Variants in METTL15 observed in about 807,000 individuals in gnomAD.
The protein encoded by METTL15 is methyltransferase 15, mitochondrial 12S rRNA N4-cytidine.
A neutral mutation model predicts 38.3 loss-of-function variants in METTL15; 34 were observed. The observed-to-expected ratio is 0.89, with a 90% confidence interval of 0.68 to 1.18. The LOEUF (loss-of-function observed/expected upper bound fraction) is 1.18. METTL15 is among the 50% of genes most tolerant of loss of function. The pLI, the probability that METTL15 is intolerant of heterozygous loss-of-function variation, is 0.00. For synonymous variants in METTL15, 162 were observed against 170.9 expected (o/e 0.95, Z 0.41); for missense variants, 438 against 498.4 (o/e 0.88, Z 1.15).
chr11:28,348,575 C>T (rs1244268905), intron 3 of METTL15, among the ~76,000 whole-genome samples: 1 of 151,990 alleles, frequency 6.6e-6, no homozygotes, highest in African/African-American at 2.4e-5. Context: ...CACTATGTTG[C>T]CCAGGCTGGT....
chr11:28,195,679 T>A (rs1332851888), intron 3 of METTL15, among the ~76,000 whole-genome samples: 8 of 152,070 alleles, frequency 5.3e-5, no homozygotes, highest in Non-Finnish European at 8.8e-5. Flanking sequence ...CTCTGATGAT[T>A]TTTTCTTTTG....
chr11:28,283,109 T>C (rs1485945832), intron 4 of METTL15, among the ~76,000 whole-genome samples: 1 of 152,176 alleles, frequency 6.6e-6, no homozygotes, highest in Non-Finnish European at 1.5e-5. Flanking sequence ...ATACTATTGG[T>C]TAGGCTGGAA....
At chr11:28,242,682 TAAC>T (rs777676977) in intron 4 of METTL15, among the ~76,000 whole-genome samples, 3 of 152,186 alleles carry the variant, frequency 2.0e-5, no homozygotes, top group Non-Finnish European at 2.9e-5. Flanking sequence ...TTTTAAATGA[TAAC>T]AACAGTTTGA....
intron 6 of METTL15, among the ~76,000 whole-genome samples, chr11:28,441,739 TA>T (rs906974137): frequency 1.3e-5 from 2 of 151,080 alleles, no homozygotes; most frequent in Non-Finnish European, 3.0e-5. Context: ...ATCACTTATT[TA>T]AAAAAAAAGT....
chr11:28,473,438 C>T (rs1311556906), intron 6 of METTL15, among the ~76,000 whole-genome samples: 1 of 152,152 alleles, frequency 6.6e-6, no homozygotes, highest in Non-Finnish European at 1.5e-5. Flanking sequence ...TTTTGTCCCC[C>T]AGTTAAGGCA....
chr11:28,210,381 C>T (rs566976631), intron 3 of METTL15, among the ~76,000 whole-genome samples: 2 of 151,764 alleles, frequency 1.3e-5, no homozygotes, highest in African/African-American at 4.8e-5. Context: ...TTTTTTTTAA[C>T]CGCTGAAGAC....
intron 6 of METTL15, among the ~76,000 whole-genome samples, chr11:28,512,723 C>A (rs1039896377): frequency 2.0e-5 from 3 of 152,202 alleles, no homozygotes; most frequent in African/African-American, 4.8e-5. Flanking sequence ...CCCTCCACAC[C>A]CCCCTGCAAG....
chr11:28,477,239 C>T (rs926085214), intron 6 of METTL15, among the ~76,000 whole-genome samples: 8 of 152,138 alleles, frequency 5.3e-5, no homozygotes, highest in Non-Finnish European at 7.4e-5. Context: ...AGCAGTGGCA[C>T]GATCTTGGCT....
intron 5 of METTL15, among the ~76,000 whole-genome samples, chr11:28,413,509 C>T (rs905467495): frequency 2.6e-5 from 4 of 152,110 alleles, no homozygotes; most frequent in African/African-American, 9.7e-5. Context: ...AGAAAACACT[C>T]TTATTGAAAT....
At chr11:28,228,695 A>G (rs928410920) in intron 4 of METTL15, among the ~76,000 whole-genome samples, 1 of 152,054 alleles carries the variant, frequency 6.6e-6, no homozygotes, top group South Asian at 2.1e-4. Flanking sequence ...GAAAACCACC[A>G]TGCTATTTGA....
intron 6 of METTL15, among the ~76,000 whole-genome samples, chr11:28,523,023 G>A (rs891377933): frequency 1.3e-5 from 2 of 152,190 alleles, no homozygotes; most frequent in Admixed American, 1.3e-4. Flanking sequence ...TACAATGGAT[G>A]CGGTTCTTGC....
At chr11:28,353,860 G>C (rs796151122) in intron 4 of METTL15, among the ~76,000 whole-genome samples, 2 of 150,410 alleles carry the variant, frequency 1.3e-5, no homozygotes, top group African/African-American at 4.9e-5. Flanking sequence ...GGGAAGCGGA[G>C]CTTGCAGTGA....
intron 5 of METTL15, among the ~76,000 whole-genome samples, chr11:28,392,946 TGATAA>T (rs1850527215): frequency 6.6e-6 from 1 of 151,682 alleles, no homozygotes; most frequent in African/African-American, 2.4e-5. Flanking sequence ...ATCAAAATAA[TGATAA>T]GATATCACCT....
chr11:28,379,230 A>G (rs983243445), intron 5 of METTL15, among the ~76,000 whole-genome samples: 4 of 150,986 alleles, frequency 2.6e-5, no homozygotes, highest in African/African-American at 9.8e-5. Context: ...TTTGATTTTT[A>G]TTATTTATTT....
intron 3 of METTL15, among the ~76,000 whole-genome samples, chr11:28,151,245 CT>C (rs1565126521): frequency 2.0e-5 from 3 of 151,830 alleles, no homozygotes; most frequent in African/African-American, 7.2e-5. Context: ...GCATACTTGA[CT>C]GCTTATTATT....
In METTL15 at chr11:28,126,771, G is replaced by T. The variant is rs140298718; in HGVS notation, c.270+13167G>T. Among the ~76,000 whole-genome samples the T allele has an allele frequency of 1.4e-4, 22 of 152,228 alleles. No homozygotes were observed. In the East Asian group the frequency reaches 3.9e-3, roughly 27 times the overall value. ...TAGACATGGTCTTAGCCCTTAAGGA[G>T]CTTACAATTTAGTGGTTGAAATGGG... On this transcript the variant is annotated intron_variant, in intron 3 of 6. Coordinates refer to ENST00000407364, the MANE Select transcript of METTL15 (RefSeq NM_001113528.2).
At chr11:28,418,735 G>A (rs1850794970) in intron 5 of METTL15, among the ~76,000 whole-genome samples, 1 of 152,160 alleles carries the variant, frequency 6.6e-6, no homozygotes, top group African/African-American at 2.4e-5. Context: ...CTTCTGCAGT[G>A]GCTACATGGT....
chr11:28,532,383 T>C, the METTL15 span, among the ~76,000 whole-genome samples: 1 of 152,098 alleles, frequency 6.6e-6, no homozygotes, highest in African/African-American at 2.4e-5. Flanking sequence ...GGAAATTTCC[T>C]ATTTGTGTGT....
At chr11:28,168,471 T>C (rs1850734249) in intron 3 of METTL15, among the ~76,000 whole-genome samples, 1 of 152,052 alleles carries the variant, frequency 6.6e-6, no homozygotes, top group South Asian at 2.1e-4. Flanking sequence ...ATGATGCTTT[T>C]TTTTTTTAAT....
Sources: allele counts gnomAD v4.1 joint callset (sites outside exome capture counted in the v4.1 genomes callset), GRCh38; gene constraint gnomAD v4.1.1; transcripts MANE v1.5; gene names NCBI Gene and HGNC (gene_info 2026-07-23, HGNC 2026-07-21).